The following TRRAP variants were observed in gnomAD, a reference collection of about 807,000 sequenced individuals.
TRRAP encodes transformation/transcription domain-associated protein.
In TRRAP, 41 loss-of-function variants were observed where a neutral mutation model predicts 438.8. That is an observed-to-expected ratio of 0.09 (90% CI 0.07 to 0.12). The LOEUF (loss-of-function observed/expected upper bound fraction) is 0.12, where lower values mean the gene tolerates loss of function less well. TRRAP is among the 10% of genes least tolerant of loss of function. The probability of loss-of-function intolerance (pLI) is 1.00; values close to 1 mark genes in which losing one functional copy is unlikely to be tolerated. For missense variants in TRRAP, 3,122 were observed against 5,055.1 expected, an observed-to-expected ratio of 0.62 and a Z score of 11.60; for synonymous variants, 1,994 against 1,962.9, an observed-to-expected ratio of 1.02 and a Z score of -0.42.
chr7:98,984,117 G>A lies in TRRAP; in HGVS notation c.9047G>A (p.Ser3016Asn). ...GCGATTGTAACTGCCTATGAGAATA[G>A]CTCTCAGCATGATCCCAGTTCAAAT... ...YQAIVTAYEN[S>N]SQHDPSSNNA... Residue 3016 changes from serine to asparagine, a missense_variant, in exon 61 of 73, where the codon AGC becomes AAC. Around this residue, in one of 24 missense-constraint regions of TRRAP, gnomAD observed 129 missense variants for 279.2 expected, o/e 0.46. Coordinates refer to ENST00000456197, the MANE Select transcript of TRRAP (RefSeq NM_001375524.1). 1 of 1,611,868 alleles carries A rather than the reference G, an allele frequency of 6.2e-7. No homozygotes were observed. Among genetic ancestry groups the A allele is most frequent in the Non-Finnish European group, 8.5e-7 (1 of 1,178,882 alleles).
intron 69 of TRRAP, among the ~76,000 whole-genome samples, chr7:99,008,104 G>A (rs967186336): frequency 3.3e-5 from 5 of 152,172 alleles, no homozygotes; most frequent in Non-Finnish European, 4.4e-5. Flanking sequence ...GATTACAGGC[G>A]TGAGCCACTG....
intron 30 of TRRAP, among the ~76,000 whole-genome samples, chr7:98,940,279 C>T (rs186149214): frequency 3.8e-4 from 58 of 152,110 alleles, no homozygotes; most frequent in African/African-American, 1.4e-3. Context: ...ACCTCTGCCA[C>T]CTGGGCTCAA....
intron 3 of TRRAP, among the ~76,000 whole-genome samples, chr7:98,882,655 A>C: frequency 6.9e-6 from 1 of 145,218 alleles, no homozygotes; most frequent in Non-Finnish European, 1.5e-5. Context: ...GAGCCACCTC[A>C]CCTGGCCTGT....
In TRRAP at chr7:98,910,040, T is replaced by C; in HGVS notation, c.1351-16T>C. 1 of 1,535,114 alleles carries C rather than the reference T, an allele frequency of 6.5e-7. No homozygotes were observed. The highest frequency in any genetic ancestry group is 2.0e-5 in the Admixed American group (1 of 49,296). On this transcript the variant is annotated splice_polypyrimidine_tract_variant and intron_variant, in intron 14 of 72. Coordinates refer to ENST00000456197, the MANE Select transcript of TRRAP (RefSeq NM_001375524.1). ...GAATAATTCTGTCTTCCCTCTTGAATTTCTCTTCCCGTTAGGTTTTCGTTC... is the reference window on the plus strand; with the variant it reads ...GAATAATTCTGTCTTCCCTCTTGAACTTCTCTTCCCGTTAGGTTTTCGTTC...
At chr7:98,986,584 T>C (rs972789639) in intron 62 of TRRAP, among the ~76,000 whole-genome samples, 5 of 152,218 alleles carry the variant, frequency 3.3e-5, no homozygotes, top group African/African-American at 1.2e-4. Flanking sequence ...TTGTAATTCT[T>C]TATAGGTCTG....
At chr7:98,890,227 C>A in intron 3 of TRRAP, 108 bp from the exon 4 acceptor site, 1 of 612,904 alleles carries the variant, frequency 1.6e-6, no homozygotes, top group Non-Finnish European at 2.4e-6. Flanking sequence ...CACAAATTTG[C>A]TTTTGGCTAA....
intron 21 of TRRAP, among the ~76,000 whole-genome samples, chr7:98,922,947 G>A (rs1789868161): frequency 6.6e-6 from 1 of 152,104 alleles, no homozygotes; most frequent in Non-Finnish European, 1.5e-5. Flanking sequence ...GGGAGAAGCT[G>A]GTACAGATAA....
At chr7:98,999,607 T>A in intron 67 of TRRAP, 1 of 791,466 alleles carries the variant, frequency 1.3e-6, no homozygotes. Context: ...GTCTAAGTGC[T>A]TGCATAGAGC....
chr7:98,953,569 A>G lies in TRRAP; in HGVS notation c.5730+136A>G, dbSNP rs931911174. 9 of 1,285,800 alleles carry G rather than the reference A, an allele frequency of 7.0e-6. No individual in the cohort carries two copies. The African/African-American group carries it at 1.3e-4, about 19-fold the overall frequency. 79.6% of individuals were successfully genotyped at this position (1,285,800 alleles called of 1,614,324 possible). A position where few individuals can be genotyped will look rare whatever the true frequency, so the allele number is the denominator to read the frequency against. ...AAAACCATGAAAACACAGACACTGT[A>G]TGATTCCACTTAGAAGACCATAGGG... On this transcript the variant is annotated intron_variant, in intron 40 of 72. Transcript: ENST00000456197.
intron 21 of TRRAP, among the ~76,000 whole-genome samples, chr7:98,923,753 C>A (rs1420889733): frequency 6.6e-6 from 1 of 152,198 alleles, no homozygotes; most frequent in Non-Finnish European, 1.5e-5. Flanking sequence ...TGGGGAGGGC[C>A]TCTGTCCCTG....
intron 70 of TRRAP, among the ~76,000 whole-genome samples, chr7:99,009,870 T>G (rs1407836689): frequency 1.3e-4 from 20 of 148,956 alleles, no homozygotes; most frequent in Non-Finnish European, 2.8e-4. Context: ...TTCTACTCCT[T>G]CATTCTTCTC....
intron 8 of TRRAP, 142 bp downstream of exon 8, chr7:98,898,008 C>T (rs1245061473): frequency 1.5e-6 from 2 of 1,367,178 alleles, no homozygotes; most frequent in Non-Finnish European, 2.0e-6. Context: ...TGGTCCTTCT[C>T]TGCAGCCTGG....
intron 23 of TRRAP, 42 bp downstream of exon 23, chr7:98,927,408 ACTTTTATAGGTG>A: frequency 6.2e-7 from 1 of 1,603,078 alleles, no homozygotes; most frequent in Non-Finnish European, 8.5e-7. Context: ...TGGTTCTTTG[ACTTTTATAGGTG>A]CTTTAAAAAC....
intron 27 of TRRAP, among the ~76,000 whole-genome samples, chr7:98,933,643 C>T (rs1424746581): frequency 1.3e-5 from 2 of 152,196 alleles, no homozygotes; most frequent in African/African-American, 4.8e-5. Context: ...CTGTTAGCCC[C>T]AACAGGAATC....
rs1159668080 is a variant in TRRAP at position 98,977,092 on chromosome 7, C to A, written c.8385+16C>A. ...CTTTGAGCAGGTAAACCTCAGACCA[C>A]TGACGGTCTTGGGTGTGTAATGAGA... is the stretch of plus-strand genomic sequence containing the variant. On this transcript the variant is annotated intron_variant, in intron 56 of 72. Coordinates refer to ENST00000456197, the MANE Select transcript of TRRAP (RefSeq NM_001375524.1). 6.2e-7 allele frequency: 1 copy of A among 1,614,046 alleles called. No homozygotes were observed. Among genetic ancestry groups the A allele is most frequent in the Non-Finnish European group, 8.5e-7 (1 of 1,180,016 alleles).
chr7:98,974,085 G>A (rs954741118), intron 53 of TRRAP, among the ~76,000 whole-genome samples: 1 of 152,216 alleles, frequency 6.6e-6, no homozygotes, highest in African/African-American at 2.4e-5. Context: ...TCAGTAGGGT[G>A]TATGTTCTAG....
At chr7:98,888,809 T>TC (rs1457169888) in intron 3 of TRRAP, among the ~76,000 whole-genome samples, 4 of 152,104 alleles carry the variant, frequency 2.6e-5, no homozygotes, top group Admixed American at 1.3e-4. Flanking sequence ...TGTTGGCATA[T>TC]CCCCCCTCAT....
At chr7:98,901,022 C>G (rs1796445413) in intron 11 of TRRAP, among the ~76,000 whole-genome samples, 1 of 152,228 alleles carries the variant, frequency 6.6e-6, no homozygotes, top group Non-Finnish European at 1.5e-5. Context: ...CCTTTTGAGT[C>G]TGGCTTCTTT....
Position 99,004,291 on chromosome 7 carries a change from A to G in TRRAP, c.10411A>G (p.Lys3471Glu). ...ILEAKTKQLP[K>E]FFLIEEKCRF... is the part of the protein sequence containing the mutation. The stretch of plus-strand genomic sequence containing the variant: ...GGAGGCCAAGACCAAGCAACTCCCC[A>G]AATTCTTCCTCATAGAGGAAAAGTG... The change falls in exon 68 of 73, where the codon AAA (lysine) becomes GAA (glutamate). Residue 3471 changes from lysine (K) to glutamate (E), a missense_variant. Lys to Glu is a moderately conservative substitution (Grantham distance 56). Around this residue, in one of 24 missense-constraint regions of TRRAP, gnomAD observed 107 missense variants for 327.5 expected, o/e 0.33. Transcript: ENST00000456197. The G allele has an allele frequency of 6.2e-7, 1 of 1,614,242 alleles. No homozygotes were observed. The highest frequency in any genetic ancestry group is 8.5e-7 in the Non-Finnish European group (1 of 1,180,042).
Sources: allele counts gnomAD v4.1 joint callset (sites outside exome capture counted in the v4.1 genomes callset), GRCh38; gene constraint gnomAD v4.1.1; regional missense constraint gnomAD v4.1.1; transcripts MANE v1.5; gene names NCBI Gene and HGNC (gene_info 2026-07-23, HGNC 2026-07-21).